ARHGAP10: variants seen among roughly 807,000 people sequenced by gnomAD.
ARHGAP10 encodes rho GTPase-activating protein 10.
A neutral mutation model predicts 108.6 loss-of-function variants in ARHGAP10; 87 were observed. The observed-to-expected ratio is 0.80, with a 90% CI of 0.67 to 0.96. The LOEUF is 0.96. Among genes scored for constraint, ARHGAP10 ranks in the 40% least tolerant of loss-of-function variants. The pLI, the probability that ARHGAP10 is intolerant of heterozygous loss-of-function variation, is 0.00. For synonymous variants in ARHGAP10, 347 were observed against 341.1 expected (o/e 1.02, Z -0.19); for missense variants, 939 against 954.5 (o/e 0.98, Z 0.21).
Position 147,886,185 on chromosome 4 carries a change from AC to A in ARHGAP10, c.1034+4256del, listed in dbSNP as rs202175179. ...AATCCAAAAAAAATTGAAATCCAGA[AC>A]CCTTCTCATTGCAAGCATTTTGGAT... On this transcript the variant is annotated intron_variant, in intron 10 of 22. Transcript: ENST00000336498. Among the ~76,000 whole-genome samples, 79 of 152,298 alleles carry A rather than the reference AC, an allele frequency of 5.2e-4. No individual in the cohort carries two copies. In the East Asian group the frequency reaches 0.013, roughly 24 times the overall value.
At chr4:147,773,251 A>G (rs1172580299) in intron 1 of ARHGAP10, among the ~76,000 whole-genome samples, 4 of 152,212 alleles carry the variant, frequency 2.6e-5, no homozygotes, top group African/African-American at 9.6e-5. Flanking sequence ...ATATGTATGT[A>G]TATATTATCA....
At chr4:147,745,768 G>A (rs1326002975) in intron 1 of ARHGAP10, among the ~76,000 whole-genome samples, 10 of 150,916 alleles carry the variant, frequency 6.6e-5, no homozygotes, top group Non-Finnish European at 1.5e-5. Flanking sequence ...TGGGATTACA[G>A]GTGTGAGCCA....
At chr4:148,060,994 C>T (rs1000679176) in intron 20 of ARHGAP10, among the ~76,000 whole-genome samples, 1 of 151,980 alleles carries the variant, frequency 6.6e-6, no homozygotes, top group Non-Finnish European at 1.5e-5. Flanking sequence ...TTTTCTGTTG[C>T]GTATCTGTCA....
chr4:148,014,068 C>T (rs1050558232), intron 18 of ARHGAP10, among the ~76,000 whole-genome samples: 2 of 152,070 alleles, frequency 1.3e-5, no homozygotes, highest in Non-Finnish European at 2.9e-5. Context: ...TTGTAACCAA[C>T]ATCAAAGAAG....
intron 13 of ARHGAP10, among the ~76,000 whole-genome samples, chr4:147,919,593 G>T (rs58028291): frequency 0.055 from 8,246 of 151,262 alleles, 709 homozygotes; most frequent in African/African-American, 0.19. Flanking sequence ...TTTTTGTGGA[G>T]ATGCAGTCCC....
At chr4:147,814,394 G>T (rs1415282013) in intron 1 of ARHGAP10, among the ~76,000 whole-genome samples, 1 of 152,040 alleles carries the variant, frequency 6.6e-6, no homozygotes, top group East Asian at 1.9e-4. Flanking sequence ...CTTTGATTGG[G>T]AACTAAGTTT....
chr4:147,925,607 G>A (rs1436829382), intron 13 of ARHGAP10, among the ~76,000 whole-genome samples: 2 of 152,100 alleles, frequency 1.3e-5, no homozygotes, highest in African/African-American at 4.8e-5. Flanking sequence ...TTACAGGGAA[G>A]GTATTAGAGG....
intron 18 of ARHGAP10, among the ~76,000 whole-genome samples, chr4:147,990,332 C>G (rs527692973): frequency 6.6e-6 from 1 of 152,268 alleles, no homozygotes; most frequent in African/African-American, 2.4e-5. Context: ...AACATTTTGA[C>G]GAATGAATGT....
chr4:148,002,172 A>G (rs963086658), intron 18 of ARHGAP10, among the ~76,000 whole-genome samples: 4 of 152,170 alleles, frequency 2.6e-5, no homozygotes, highest in Admixed American at 6.5e-5. Flanking sequence ...TGAGATAATC[A>G]TGTGGTTTTT....
At chr4:147,897,426 G>A (rs12513192) in intron 10 of ARHGAP10, among the ~76,000 whole-genome samples, 124,647 of 151,964 alleles carry the variant, frequency 0.82, 52,285 homozygotes, top group Non-Finnish European at 0.92. Flanking sequence ...TGTTTGATAC[G>A]TATGGGCTTA....
rs182302104 is a variant in ARHGAP10 at position 147,823,897 on chromosome 4, G to A, written c.312+940G>A. Reference sequence around the variant, plus strand: ...GTAAATTTTGGGGTTATTGAATATTGTCTGCTTTTCTTAAAAGCTTACATT... The same window carrying A: ...GTAAATTTTGGGGTTATTGAATATTATCTGCTTTTCTTAAAAGCTTACATT... On this transcript the variant is annotated intron_variant, in intron 3 of 22. Coordinates refer to ENST00000336498, the MANE Select transcript of ARHGAP10 (RefSeq NM_024605.4). Among the ~76,000 whole-genome samples the A allele has an allele frequency of 6.6e-5, 10 of 152,336 alleles. No individual in the cohort carries two copies. The East Asian group carries it at 1.9e-3, about 29-fold the overall frequency.
At chr4:147,882,533 A>G (rs1004840056) in intron 10 of ARHGAP10, among the ~76,000 whole-genome samples, 3 of 152,002 alleles carry the variant, frequency 2.0e-5, no homozygotes, top group African/African-American at 7.2e-5. Flanking sequence ...GAAGAGAACA[A>G]TGGCGAGAGG....
chr4:147,952,892 A>G (rs1738658839), intron 15 of ARHGAP10, among the ~76,000 whole-genome samples: 1 of 151,952 alleles, frequency 6.6e-6, no homozygotes, highest in African/African-American at 2.4e-5. Context: ...TTTAGGTTTT[A>G]CACTTAGTTC....
At chr4:147,753,446 C>T (rs188725590) in intron 1 of ARHGAP10, among the ~76,000 whole-genome samples, 213 of 151,302 alleles carry the variant, frequency 1.4e-3, no homozygotes, top group Middle Eastern at 3.5e-3. Flanking sequence ...TGGGTTCAAG[C>T]GATTCTCCTG....
At chr4:147,876,889 A>G (rs1165106084) in intron 8 of ARHGAP10, among the ~76,000 whole-genome samples, 2 of 152,200 alleles carry the variant, frequency 1.3e-5, no homozygotes, top group Non-Finnish European at 2.9e-5. Flanking sequence ...ATAAATGAAA[A>G]TGGAGGCACT....
chr4:147,915,145 G>C (rs557260071), intron 13 of ARHGAP10, among the ~76,000 whole-genome samples: 81 of 152,264 alleles, frequency 5.3e-4, no homozygotes, highest in Middle Eastern at 3.4e-3. Flanking sequence ...CTAGTGTGTA[G>C]GATATCGGCG....
chr4:147,849,784 A>G (rs1218172418), intron 4 of ARHGAP10, among the ~76,000 whole-genome samples: 1 of 152,040 alleles, frequency 6.6e-6, no homozygotes, highest in African/African-American at 2.4e-5. Context: ...GGTATTGTCT[A>G]CTGTTTTGCT....
intron 10 of ARHGAP10, among the ~76,000 whole-genome samples, chr4:147,887,642 A>G (rs954571813): frequency 6.6e-6 from 1 of 151,960 alleles, no homozygotes; most frequent in African/African-American, 2.4e-5. Context: ...TGGGTGGATC[A>G]CCTGAGGTCA....
intron 13 of ARHGAP10, chr4:147,916,641 G>A (rs1392782864): frequency 6.6e-6 from 1 of 152,214 alleles, no homozygotes; most frequent in East Asian, 1.9e-4. Context: ...AGCAATTTCT[G>A]TGGCTCTGTA....
Sources: gnomAD v4.1 joint callset for allele counts (sites outside exome capture counted in the v4.1 genomes callset) on GRCh38, gnomAD v4.1.1 for gene constraint, MANE v1.5 for transcripts, NCBI Gene and HGNC (gene_info 2026-07-23, HGNC 2026-07-21) for gene names.